EDA: variants seen among roughly 807,000 people sequenced by gnomAD.
EDA encodes ectodysplasin-A.
Under a neutral mutation model 23.6 loss-of-function variants are expected in EDA, and 2 were observed. That is an observed-to-expected ratio of 0.08 (90% confidence interval 0.03 to 0.27). The LOEUF (loss-of-function observed/expected upper bound fraction) is 0.27, where lower values mean the gene tolerates loss of function less well. EDA is among the 10% of genes least tolerant of loss of function. The pLI, the probability that EDA is intolerant of heterozygous loss-of-function variation, is 1.00. For synonymous variants in EDA, 131 were observed against 132.0 expected (o/e 0.99, Z 0.05); for missense variants, 229 against 324.2 (o/e 0.71, Z 2.26).
chrX:69,711,156 A>G (rs1470101127), intron 1 of EDA, among the ~76,000 whole-genome samples: 1 of 111,226 alleles, frequency 9.0e-6, no homozygotes, highest in East Asian at 2.8e-4. Flanking sequence ...TATTATTTTG[A>G]GATACGTCCC....
intron 2 of EDA, among the ~76,000 whole-genome samples, chrX:69,978,318 TAAAAAAAAAAAAAAAA>T (rs144187734): frequency 0.26 from 5,340 of 20,689 alleles, 716 homozygotes; most frequent in East Asian, 0.75. Flanking sequence ...ACTCCATCTC[TAAAAAAAAAAAAAAAA>T]AAAAAAAAAA....
chrX:69,676,759 CT>C (rs1934102115), intron 1 of EDA, among the ~76,000 whole-genome samples: 1 of 111,205 alleles, frequency 9.0e-6, no homozygotes, highest in Non-Finnish European at 1.9e-5. Flanking sequence ...GTGGACTCCC[CT>C]GTCTTGGATT....
chrX:69,821,486 A>C (rs1163835603), intron 1 of EDA, among the ~76,000 whole-genome samples: 1 of 112,487 alleles, frequency 8.9e-6, no homozygotes, highest in Non-Finnish European at 1.9e-5. Flanking sequence ...TTCAAGTACC[A>C]TATATCTCAG....
At position 69,634,917 on chromosome X, in the gene EDA, A is replaced by G. The variant is rs772141995; in HGVS notation, c.396+18213A>G. On this transcript the variant is annotated intron_variant, in intron 1 of 7. Coordinates refer to ENST00000374552, the MANE Select transcript of EDA (RefSeq NM_001399.5). ...AATGCATTACCTTTTCTATGTTTGC[A>G]TATGTTTAGATATACAAATATTTAC... 3.6e-5 allele frequency among the ~76,000 whole-genome samples: 4 copies of G among 111,950 alleles called. No homozygotes were observed. The East Asian group carries it at 1.1e-3, about 32-fold the overall frequency.
intron 1 of EDA, among the ~76,000 whole-genome samples, chrX:69,683,038 A>C (rs1934428266): frequency 9.0e-6 from 1 of 111,431 alleles, no homozygotes; most frequent in African/African-American, 3.3e-5. Context: ...GGACAGTTTG[A>C]CCACTATATC....
At chrX:70,013,393 C>T (rs1386915854) in intron 2 of EDA, among the ~76,000 whole-genome samples, 1 of 111,140 alleles carries the variant, frequency 9.0e-6, no homozygotes, top group Non-Finnish European at 1.9e-5. Flanking sequence ...CTCAGAGTAG[C>T]TGCCCCAACC....
At chrX:69,677,775 G>C (rs1025789363) in intron 1 of EDA, among the ~76,000 whole-genome samples, 1 of 111,529 alleles carries the variant, frequency 9.0e-6, no homozygotes, top group Admixed American at 9.5e-5. Context: ...TCTGTAGGTT[G>C]CCTGTTCACT....
At chrX:69,831,563 G>A (rs1233086500) in intron 1 of EDA, among the ~76,000 whole-genome samples, 1 of 112,189 alleles carries the variant, frequency 8.9e-6, no homozygotes, top group Non-Finnish European at 1.9e-5. Flanking sequence ...AATCCTTTGG[G>A]TATACACCCA....
chrX:69,626,065 T>G (rs1390969362), intron 1 of EDA, among the ~76,000 whole-genome samples: 5 of 111,186 alleles, frequency 4.5e-5, no homozygotes, highest in Admixed American at 2.9e-4. Flanking sequence ...CATGAAAACA[T>G]GTTCGACATC....
chrX:70,031,941 G>C, intron 6 of EDA, among the ~76,000 whole-genome samples: 1 of 110,534 alleles, frequency 9.0e-6, no homozygotes, highest in Admixed American at 9.6e-5. Flanking sequence ...GAGGTGGTCT[G>C]TGCTGACCTT....
intron 1 of EDA, among the ~76,000 whole-genome samples, chrX:69,759,935 A>C (rs1031827668): frequency 2.7e-5 from 3 of 109,756 alleles, no homozygotes; most frequent in Admixed American, 2.0e-4. Flanking sequence ...ACAAGGGGAA[A>C]TGCCAGCAGA....
At chrX:69,633,155 A>G (rs1328007318) in intron 1 of EDA, among the ~76,000 whole-genome samples, 4 of 111,856 alleles carry the variant, frequency 3.6e-5, no homozygotes, top group Non-Finnish European at 7.5e-5. Flanking sequence ...TTCATATTGT[A>G]AAATTTAACG....
intron 1 of EDA, among the ~76,000 whole-genome samples, chrX:69,655,185 C>T (rs1185305368): frequency 5.4e-5 from 6 of 111,408 alleles, no homozygotes; most frequent in Non-Finnish European, 1.1e-4. Context: ...CACCTGAGGT[C>T]GGGAGTTCGA....
chrX:69,654,100 G>GA (rs1429120280), intron 1 of EDA, among the ~76,000 whole-genome samples: 5 of 111,238 alleles, frequency 4.5e-5, no homozygotes, highest in Admixed American at 2.9e-4. Context: ...AAATTTACAA[G>GA]AAAAAAACAA....
chrX:69,744,168 A>G (rs2013544785), intron 1 of EDA, among the ~76,000 whole-genome samples: 1 of 111,865 alleles, frequency 8.9e-6, no homozygotes, highest in South Asian at 3.8e-4. Flanking sequence ...ATATGATAGC[A>G]CTGGCAACCT....
intron 1 of EDA, among the ~76,000 whole-genome samples, chrX:69,931,339 A>T (rs183521173): frequency 4.7e-4 from 53 of 111,885 alleles, no homozygotes; most frequent in Non-Finnish European, 8.7e-4. Flanking sequence ...ATATATAATG[A>T]TCTTTTAAAA....
intron 2 of EDA, among the ~76,000 whole-genome samples, chrX:69,958,887 G>C (rs1170313119): frequency 4.5e-5 from 5 of 110,773 alleles, no homozygotes; most frequent in African/African-American, 1.6e-4. Flanking sequence ...ATAATCCCTG[G>C]TTGCAAAGGA....
chrX:69,648,847 C>T (rs911249834), intron 1 of EDA, among the ~76,000 whole-genome samples: 1 of 111,665 alleles, frequency 9.0e-6, no homozygotes, highest in Non-Finnish European at 1.9e-5. Flanking sequence ...TCTGCTGAGA[C>T]TCCACACAGC....
intron 1 of EDA, among the ~76,000 whole-genome samples, chrX:69,776,169 C>T (rs1254682770): frequency 8.9e-6 from 1 of 111,880 alleles, no homozygotes; most frequent in Non-Finnish European, 1.9e-5. Context: ...TCTTACATGA[C>T]AAAAGAATAG....
Sources: gnomAD v4.1 joint callset for allele counts (sites outside exome capture counted in the v4.1 genomes callset) on GRCh38, gnomAD v4.1.1 for gene constraint, MANE v1.5 for transcripts, NCBI Gene and HGNC (gene_info 2026-07-23, HGNC 2026-07-21) for gene names.